PHYH: variants seen among roughly 807,000 people sequenced by gnomAD.
PHYH encodes phytanoyl-CoA 2-hydroxylase, also known as phytanoyl-CoA dioxygenase, peroxisomal.
PHYH carries 32 observed loss-of-function variants against 38.5 expected under a neutral mutation model. That is an observed-to-expected ratio of 0.83 (90% CI 0.63 to 1.12). The LOEUF is 1.12. Among genes scored for constraint, PHYH ranks in the 50% most tolerant of loss-of-function variants. The probability of loss-of-function intolerance (pLI) is 0.00; values close to 1 mark genes in which losing one functional copy is unlikely to be tolerated. For synonymous variants in PHYH, 166 were observed against 157.9 expected, an observed-to-expected ratio of 1.05 and a Z score of -0.38; for missense variants, 426 against 434.8, an observed-to-expected ratio of 0.98 and a Z score of 0.18.
chr10:13,298,367 G>A, intron 1 of PHYH, 122 bp from the exon 2 acceptor site: 1 of 650,318 alleles, frequency 1.5e-6, no homozygotes, highest in Admixed American at 2.2e-5. Flanking sequence ...AGGAGTTCGA[G>A]ACCAGCCTGG....
chr10:13,292,790 G>A (rs948126980), intron 4 of PHYH, among the ~76,000 whole-genome samples: 9 of 151,916 alleles, frequency 5.9e-5, no homozygotes, highest in South Asian at 2.1e-4. Flanking sequence ...AAAATTCGCC[G>A]GGCATGGTGG....
chr10:13,299,929 G>C, intron 1 of PHYH, 39 bp downstream of exon 1: 1 of 1,494,550 alleles, frequency 6.7e-7, no homozygotes, highest in South Asian at 1.3e-5. Context: ...CGGCGCCGGC[G>C]CCGGATCCAG....
At chr10:13,278,513 A>T (rs1835342258) in intron 8 of PHYH, among the ~76,000 whole-genome samples, 159 bp from the exon 9 acceptor site, 1 of 152,090 alleles carries the variant, frequency 6.6e-6, no homozygotes, top group South Asian at 2.1e-4. Context: ...AAACAAAACA[A>T]CTCAACTTAA....
intron 3 of PHYH, chr10:13,294,877 T>C (rs1835804091): frequency 8.9e-6 from 4 of 448,112 alleles, no homozygotes. Flanking sequence ...CTGTAACACT[T>C]ACCATGTGCC....
In PHYH at chr10:13,283,875, G is replaced by T. The variant is rs780548933; in HGVS notation, c.679-36C>A. ...AGGCAAGTGAAGTCTACATTTGAGG[G>T]AGTACCATAATTAAAAACATTGTCA... On this transcript the variant is annotated intron_variant, in intron 6 of 8. Transcript: ENST00000263038. 3.8e-6 allele frequency: 6 copies of T among 1,574,936 alleles called. No homozygotes were observed. The South Asian group carries it at 5.5e-5, about 15-fold the overall frequency.
At chr10:13,295,640 A>C (rs1162473062) in intron 2 of PHYH, 34 bp from the exon 3 acceptor site, 9 of 913,172 alleles carry the variant, frequency 9.9e-6, no homozygotes, top group Non-Finnish European at 1.5e-5. Flanking sequence ...AATAAGTTAC[A>C]TTTTTAAATT....
At chr10:13,290,314 A>G (rs558453172) in intron 5 of PHYH, among the ~76,000 whole-genome samples, 1 of 151,864 alleles carries the variant, frequency 6.6e-6, no homozygotes, top group African/African-American at 2.4e-5. Context: ...AAAAATAAAA[A>G]AAGTTATCTA....
chr10:13,280,981 A>C lies in PHYH; in HGVS notation c.958T>G (p.Leu320Val), dbSNP rs779617040. 1 of 1,614,086 alleles carries C rather than the reference A, an allele frequency of 6.2e-7. No homozygotes were observed. The highest frequency in any genetic ancestry group is 1.7e-5 in the Admixed American group (1 of 60,026). ...KFFGAENSVN[L>V]KDIWMFRARL... is the part of the protein sequence containing the mutation. ...GCTATTGTATACAAACATACCTTCA[A>C]GTTCACGCTATTTTCAGCTCCAAAG... Residue 320 changes from leucine (L) to valine (V), a missense_variant, in exon 8 of 9, where the codon TTG (leucine) becomes GTG (valine). Transcript: ENST00000263038.
intron 7 of PHYH, among the ~76,000 whole-genome samples, chr10:13,281,390 A>C (rs1163815097): frequency 1.4e-5 from 2 of 144,724 alleles, no homozygotes; most frequent in Non-Finnish European, 3.0e-5. Flanking sequence ...TGTCAGTAAG[A>C]GGTATTTAGT....
At chr10:13,299,131 A>G (rs553031996) in intron 1 of PHYH, among the ~76,000 whole-genome samples, 33 of 138,010 alleles carry the variant, frequency 2.4e-4, no homozygotes, top group African/African-American at 7.5e-4. Context: ...CCCTGTTTCA[A>G]AAAAAAAAAA....
chr10:13,288,582 G>T, intron 5 of PHYH, 41 bp from the exon 6 acceptor site: 1 of 1,596,754 alleles, frequency 6.3e-7, no homozygotes, highest in Non-Finnish European at 8.6e-7. Context: ...TCGAGGCCGA[G>T]TGCAGTGGCT....
chr10:13,282,873 G>A (rs1835447619), intron 7 of PHYH, among the ~76,000 whole-genome samples: 1 of 152,078 alleles, frequency 6.6e-6, no homozygotes, highest in African/African-American at 2.4e-5. Context: ...TACCCCTGGA[G>A]AGAGTGCCCC....
In PHYH at chr10:13,299,995, G is replaced by A. The variant is rs1832706787; in HGVS notation, c.48C>T (p.His16=). 63 of 1,532,328 alleles carry A rather than the reference G, an allele frequency of 4.1e-5. No homozygotes were observed. Among genetic ancestry groups the A allele is most frequent in the Non-Finnish European group, 5.4e-5 (62 of 1,144,500 alleles). 94.9% of individuals were successfully genotyped at this position (1,532,328 alleles called of 1,614,324 possible). Residue 16 remains histidine (H), a synonymous_variant, in exon 1 of 9, where the codon CAC becomes CAT. Coordinates refer to ENST00000263038, the MANE Select transcript of PHYH (RefSeq NM_006214.4). ...AAARLQIVLG[H]LGRPSAGAVV... is the part of the protein sequence containing the mutation. ...CAGCCCCGGCCGAGGGGCGGCCGAG[G>A]TGGCCCAGAACAATCTGCAGACGGG...
chr10:13,278,202 T>A lies in PHYH; in HGVS notation c.*99A>T, dbSNP rs1835333403. On this transcript the variant is annotated 3_prime_UTR_variant, in exon 9 of 9. Transcript: ENST00000263038. ...ATACATGTTTTCTGCTTTTAACAAG[T>A]GATAGAAAAGGTTACATCATCTCAT... 1.2e-6 allele frequency: 1 copy of A among 817,980 alleles called. No homozygotes were observed. Among genetic ancestry groups the A allele is most frequent in the African/African-American group, 1.7e-5 (1 of 59,350 alleles). 50.7% of individuals were successfully genotyped at this position (817,980 alleles called of 1,614,324 possible). A position where few individuals can be genotyped will look rare whatever the true frequency, so the allele number is the denominator to read the frequency against.
intron 7 of PHYH, 98 bp from the exon 8 acceptor site, chr10:13,281,208 C>T (rs1835404079): frequency 1.0e-5 from 13 of 1,248,908 alleles, no homozygotes; most frequent in Non-Finnish European, 1.5e-5. Context: ...TTATTTCACT[C>T]AGTATTTGAT....
intron 4 of PHYH, among the ~76,000 whole-genome samples, chr10:13,292,226 C>T (rs1249259131): frequency 6.6e-6 from 1 of 152,184 alleles, no homozygotes; most frequent in African/African-American, 2.4e-5. Context: ...CAGAAGGTTG[C>T]TCAGTGGGAG....
In PHYH at chr10:13,283,131, A is replaced by ATTTTTTTTTTT. The variant is rs398012850; in HGVS notation, c.828+548_828+558dup. ...CCACTGCACCTGGCTTTCATAATCA[A>ATTTTTTTTTTT]TTTTTTTTTTTTTTTTTGAGACGGA... On this transcript the variant is annotated intron_variant, in intron 7 of 8. Coordinates refer to ENST00000263038, the MANE Select transcript of PHYH (RefSeq NM_006214.4). Among the ~76,000 whole-genome samples, 32 of 117,922 alleles carry ATTTTTTTTTTT rather than the reference A, an allele frequency of 2.7e-4. 1 individual carries two copies. Among genetic ancestry groups the ATTTTTTTTTTT allele is most frequent in the Admixed American group, 3.7e-4 (4 of 10,916 alleles). 77.4% of individuals were successfully genotyped at this position (117,922 alleles called of 152,430 possible).
intron 4 of PHYH, 52 bp downstream of exon 4, chr10:13,294,376 C>T: frequency 6.4e-7 from 1 of 1,564,828 alleles, no homozygotes; most frequent in Non-Finnish European, 8.8e-7. Context: ...GTTTTACAGG[C>T]AGACATACAC....
At chr10:13,282,316 C>T (rs954482898) in intron 7 of PHYH, among the ~76,000 whole-genome samples, 1 of 151,990 alleles carries the variant, frequency 6.6e-6, no homozygotes, top group African/African-American at 2.4e-5. Context: ...TTGGGCCAGG[C>T]GAGATGGCTC....
Sources: gnomAD v4.1 joint callset for allele counts (sites outside exome capture counted in the v4.1 genomes callset) on GRCh38, gnomAD v4.1.1 for gene constraint, MANE v1.5 for transcripts, NCBI Gene and HGNC (gene_info 2026-07-23, HGNC 2026-07-21) for gene names.